The following RBFOX3 variants were observed in gnomAD, a reference collection of about 807,000 sequenced individuals.
RBFOX3 encodes RNA binding fox-1 homolog 3.
Under a neutral mutation model 48.7 loss-of-function variants are expected in RBFOX3, and 17 were observed. That is an observed-to-expected ratio of 0.35 (90% CI 0.24 to 0.52). The LOEUF (loss-of-function observed/expected upper bound fraction) is 0.52. Among genes scored for constraint, RBFOX3 ranks in the 20% least tolerant of loss-of-function variants. The probability of loss-of-function intolerance (pLI) is 0.94; values close to 1 mark genes in which losing one functional copy is unlikely to be tolerated. For synonymous variants in RBFOX3, 212 were observed against 209.5 expected, an observed-to-expected ratio of 1.01 and a Z score of -0.10; for missense variants, 382 against 497.5, an observed-to-expected ratio of 0.77 and a Z score of 2.21.
At chr17:79,128,001 C>T (rs1047049074) in intron 4 of RBFOX3, among the ~76,000 whole-genome samples, 4 of 152,192 alleles carry the variant, frequency 2.6e-5, no homozygotes, top group Non-Finnish European at 5.9e-5. Context: ...CAATGGTGTG[C>T]GTGAATCTGC....
At chr17:79,211,208 G>A (rs540801392) in intron 4 of RBFOX3, among the ~76,000 whole-genome samples, 32 of 152,346 alleles carry the variant, frequency 2.1e-4, no homozygotes, top group African/African-American at 7.7e-4. Context: ...AGCACGGCCC[G>A]ATGCGGGCTG....
chr17:79,348,773 T>C (rs904113100), intron 2 of RBFOX3, among the ~76,000 whole-genome samples: 1 of 151,716 alleles, frequency 6.6e-6, no homozygotes, highest in Non-Finnish European at 1.5e-5. Context: ...AGGGACGGGG[T>C]TTCACCATGT....
rs1042282483 is a variant in RBFOX3, at chr17:79,103,876, G to A, written c.414+197C>T. Among the ~76,000 whole-genome samples, 28 of 148,326 alleles carry A rather than the reference G, an allele frequency of 1.9e-4. No individual in the cohort carries two copies. Among genetic ancestry groups the A allele is most frequent in the Middle Eastern group, 3.4e-3 (1 of 290 alleles). ...TCCTGGTGGCTCAGAAAGAAAAAGCGGCAGCGGCAGCAACAACACAGACAG... is the reference window on the plus strand; with the variant it reads ...TCCTGGTGGCTCAGAAAGAAAAAGCAGCAGCGGCAGCAACAACACAGACAG... On this transcript the variant is annotated intron_variant, in intron 7 of 14. Coordinates refer to ENST00000693108, the MANE Select transcript of RBFOX3 (RefSeq NM_001350451.2). The surrounding 1 kb of genome is among the most constrained non-coding windows in gnomAD (Gnocchi z 6.1).
In RBFOX3 at chr17:79,277,307, G is replaced by GA. The variant is rs1567963803; in HGVS notation, c.-74+30416_-74+30417insT. Among the ~76,000 whole-genome samples, 33 of 42,704 alleles carry GA rather than the reference G, an allele frequency of 7.7e-4. No homozygotes were observed. In the South Asian group the frequency reaches 0.033, roughly 43 times the overall value. The allele number at this position is 42,704 out of a possible 152,430, so 28.0% of individuals were successfully genotyped here. A position where few individuals can be genotyped will look rare whatever the true frequency, so the allele number is the denominator to read the frequency against. ...CCAAGGATTCCAATGGTGGGGAGGG[G>GA]GGGGGTAGTGCTGCTCGACTGGTAC... is the stretch of plus-strand genomic sequence containing the variant. On this transcript the variant is annotated intron_variant, in intron 3 of 14. Transcript: ENST00000693108.
chr17:79,261,938 G>T (rs182378088), intron 3 of RBFOX3, among the ~76,000 whole-genome samples: 1 of 152,226 alleles, frequency 6.6e-6, no homozygotes, highest in African/African-American at 2.4e-5. Flanking sequence ...CTTGTGGAGG[G>T]GGGAGGCGTA....
chr17:79,144,991 A>G (rs55967820), intron 4 of RBFOX3, among the ~76,000 whole-genome samples: 34,133 of 152,170 alleles, frequency 0.22, 4,030 homozygotes, highest in Middle Eastern at 0.29. Context: ...TGAGCCAGGG[A>G]AGGAGAATCC....
At chr17:79,659,263 AAT>A in the RBFOX3 span, among the ~76,000 whole-genome samples, 1 of 152,202 alleles carries the variant, frequency 6.6e-6, no homozygotes, top group African/African-American at 2.4e-5. Context: ...CGGAAAAAGA[AAT>A]AGAATTTGGT....
At chr17:79,218,434 C>T (rs2059328680) in intron 4 of RBFOX3, among the ~76,000 whole-genome samples, 1 of 152,146 alleles carries the variant, frequency 6.6e-6, no homozygotes, top group Non-Finnish European at 1.5e-5. Context: ...AGGTTCCGTC[C>T]CATCCCAAAA....
rs552221797 is a variant in RBFOX3 at position 79,439,037 on chromosome 17, A to AT, written c.-175+43416dup. 3.0e-3 allele frequency among the ~76,000 whole-genome samples: 451 copies of AT among 152,224 alleles called. 3 individuals are homozygous for AT. Among genetic ancestry groups the AT allele is most frequent in the African/African-American group, 0.01 (435 of 41,540 alleles). ...CCAAGATTTTAATTTTACAGTTCAC[A>AT]TTTTCTCCCGGCAGAATCCCAGGAT... is the stretch of plus-strand genomic sequence containing the variant. On this transcript the variant is annotated intron_variant, in intron 2 of 14. Coordinates refer to ENST00000693108, the MANE Select transcript of RBFOX3 (RefSeq NM_001350451.2).
intron 1 of RBFOX3, chr17:79,600,140 T>C (rs2093670933): frequency 6.6e-6 from 1 of 152,188 alleles, no homozygotes. Context: ...AAGACACAAG[T>C]GGAGCCTGCG....
At chr17:79,171,810 G>A (rs1335474216) in intron 4 of RBFOX3, among the ~76,000 whole-genome samples, 1 of 151,826 alleles carries the variant, frequency 6.6e-6, no homozygotes. Context: ...GATGACGGGT[G>A]TGAGCCACCA....
intron 1 of RBFOX3, among the ~76,000 whole-genome samples, chr17:79,610,428 G>T (rs1324512988): frequency 6.6e-6 from 1 of 151,748 alleles, no homozygotes; most frequent in African/African-American, 2.4e-5. Flanking sequence ...CCCGCGCCGG[G>T]CATTGTGCCG....
In RBFOX3 at chr17:79,103,382, G is replaced by A. The variant is rs909671291; in HGVS notation, c.415-128C>T. On this transcript the variant is annotated intron_variant, in intron 7 of 14. Coordinates refer to ENST00000693108, the MANE Select transcript of RBFOX3 (RefSeq NM_001350451.2). The surrounding 1 kb of genome is among the most constrained non-coding windows in gnomAD (Gnocchi z 6.1). Reference sequence around the variant, plus strand: ...TGGGGAGAGAGAGAGAAGGGGTTGAGTCAGGTGAGTTGAGGCAGAGACGCA... The same window carrying A: ...TGGGGAGAGAGAGAGAAGGGGTTGAATCAGGTGAGTTGAGGCAGAGACGCA... The A allele has an allele frequency of 5.8e-6, 4 of 689,348 alleles. No homozygotes were observed. Among genetic ancestry groups the A allele is most frequent in the Admixed American group, 2.2e-5 (1 of 46,334 alleles). 42.7% of individuals were successfully genotyped at this position (689,348 alleles called of 1,614,324 possible).
intron 2 of RBFOX3, among the ~76,000 whole-genome samples, chr17:79,373,714 C>T (rs2058854509): frequency 6.6e-6 from 1 of 152,102 alleles, no homozygotes; most frequent in Non-Finnish European, 1.5e-5. Flanking sequence ...CCCCTCAACC[C>T]CCGAGCAGGA....
intron 4 of RBFOX3, among the ~76,000 whole-genome samples, chr17:79,131,227 C>T (rs114681833): frequency 0.016 from 2,368 of 152,090 alleles, 64 homozygotes; most frequent in African/African-American, 0.055. Flanking sequence ...GTGTGCCCTG[C>T]GTGTACTGTG....
In RBFOX3 at chr17:79,492,375, C is replaced by T. The variant is rs1027873522; in HGVS notation, c.-319-9777G>A. ...ATAGAATTCAGCAGAAGTGAAGGTT[C>T]ATCAATTCTAAGATTAGGTCTTAAA... On this transcript the variant is annotated intron_variant, in intron 1 of 14. Transcript: ENST00000693108. Among the ~76,000 whole-genome samples, 5 of 152,308 alleles carry T rather than the reference C, an allele frequency of 3.3e-5. No individual in the cohort carries two copies. In the South Asian group the frequency reaches 1.0e-3, roughly 32 times the overall value.
intron 2 of RBFOX3, among the ~76,000 whole-genome samples, chr17:79,408,931 A>G (rs150895609): frequency 4.7e-4 from 71 of 152,302 alleles, no homozygotes; most frequent in African/African-American, 1.7e-3. Flanking sequence ...ATCAACTTCA[A>G]AAACATTCCA....
intron 2 of RBFOX3, among the ~76,000 whole-genome samples, chr17:79,359,989 G>A (rs867866652): frequency 6.6e-6 from 1 of 152,062 alleles, no homozygotes; most frequent in Non-Finnish European, 1.5e-5. Context: ...GCCTCTCAAA[G>A]TGCTGGAATT....
chr17:79,458,756 CA>C (rs1490788510), intron 2 of RBFOX3, among the ~76,000 whole-genome samples: 3 of 152,042 alleles, frequency 2.0e-5, no homozygotes, highest in Non-Finnish European at 4.4e-5. Context: ...CTCTGGGTGG[CA>C]AATCAGGGAG....
Sources: allele counts gnomAD v4.1 joint callset (sites outside exome capture counted in the v4.1 genomes callset), GRCh38; gene constraint gnomAD v4.1.1; non-coding constraint Gnocchi (gnomAD v3.1); transcripts MANE v1.5; gene names NCBI Gene and HGNC (gene_info 2026-07-23, HGNC 2026-07-21).